TEC: variants seen among roughly 807,000 people sequenced by gnomAD.
The protein encoded by TEC is tec protein tyrosine kinase, also known as tyrosine-protein kinase Tec.
In TEC, 72 loss-of-function variants were observed where a neutral mutation model predicts 93.0. The ratio of observed to expected loss-of-function variants is 0.77; its 90% CI spans 0.64 to 0.94. TEC has a LOEUF of 0.94. Among genes scored for constraint, TEC ranks in the 40% least tolerant of loss-of-function variants. TEC has a pLI of 0.00. For synonymous variants in TEC, 249 were observed against 247.7 expected (o/e 1.01, Z -0.05); for missense variants, 630 against 757.9 (o/e 0.83, Z 1.98).
chr4:48,225,042 G>C (rs559150177), intron 2 of TEC, among the ~76,000 whole-genome samples: 1 of 152,068 alleles, frequency 6.6e-6, no homozygotes, highest in East Asian at 1.9e-4. Context: ...AATATCTCTA[G>C]GGCTATTTTA....
At chr4:48,237,158 C>T (rs533151949) in intron 1 of TEC, among the ~76,000 whole-genome samples, 2 of 151,990 alleles carry the variant, frequency 1.3e-5, no homozygotes, top group South Asian at 4.1e-4. Context: ...TGGCAAAACC[C>T]TATCTCTACT....
intron 3 of TEC, among the ~76,000 whole-genome samples, chr4:48,175,758 A>G (rs1194239842): frequency 6.6e-6 from 1 of 152,200 alleles, no homozygotes; most frequent in Admixed American, 6.5e-5. Context: ...CCGAAGAAGC[A>G]TAGTTTAATT....
At chr4:48,162,102 A>G (rs1720692207) in intron 8 of TEC, among the ~76,000 whole-genome samples, 2 of 152,224 alleles carry the variant, frequency 1.3e-5, no homozygotes, top group Admixed American at 6.5e-5. Context: ...ATTGTGTTAC[A>G]GGGTGGGCTT....
At chr4:48,211,438 C>A (rs533174730) in intron 2 of TEC, among the ~76,000 whole-genome samples, 42 of 152,228 alleles carry the variant, frequency 2.8e-4, no homozygotes, top group Middle Eastern at 3.4e-3. Flanking sequence ...TATATCTGAT[C>A]ATTAGCATCA....
chr4:48,140,827 A>T (rs1375650282), intron 15 of TEC, among the ~76,000 whole-genome samples: 1 of 152,116 alleles, frequency 6.6e-6, no homozygotes, highest in Non-Finnish European at 1.5e-5. Flanking sequence ...ATGTAACTTT[A>T]TCAGGTCTTC....
intron 2 of TEC, among the ~76,000 whole-genome samples, chr4:48,224,929 C>T (rs1318416587): frequency 2.6e-5 from 4 of 152,114 alleles, no homozygotes; most frequent in Non-Finnish European, 5.9e-5. Context: ...ATTAGTGGCA[C>T]TTGGTAGCCA....
intron 2 of TEC, among the ~76,000 whole-genome samples, chr4:48,180,391 T>G (rs1721536186): frequency 6.6e-6 from 1 of 152,026 alleles, no homozygotes; most frequent in African/African-American, 2.4e-5. Context: ...AAAGGAGGGT[T>G]GAGGGTCTCT....
chr4:48,213,280 A>G (rs948064816), intron 2 of TEC, among the ~76,000 whole-genome samples: 5 of 152,202 alleles, frequency 3.3e-5, no homozygotes, highest in African/African-American at 7.2e-5. Context: ...TTAACAAACA[A>G]TATTGCACAT....
intron 1 of TEC, among the ~76,000 whole-genome samples, chr4:48,257,698 T>C (rs1254987249): frequency 1.3e-5 from 2 of 152,254 alleles, no homozygotes; most frequent in Non-Finnish European, 2.9e-5. Context: ...ATATTTGGGA[T>C]GTTTATTACT....
At chr4:48,230,092 A>C (rs1268399028) in intron 1 of TEC, among the ~76,000 whole-genome samples, 1 of 149,186 alleles carries the variant, frequency 6.7e-6, no homozygotes, top group African/African-American at 2.5e-5. Flanking sequence ...AATAATAATA[A>C]TAATAATAAT....
intron 2 of TEC, among the ~76,000 whole-genome samples, chr4:48,219,059 T>C (rs1200947642): frequency 1.3e-5 from 2 of 152,196 alleles, no homozygotes; most frequent in African/African-American, 4.8e-5. Flanking sequence ...AAATTAGATA[T>C]AGAGAGGACC....
intron 1 of TEC, among the ~76,000 whole-genome samples, chr4:48,231,157 T>C (rs1027818649): frequency 1.3e-5 from 2 of 152,192 alleles, no homozygotes; most frequent in African/African-American, 4.8e-5. Context: ...CTGATAGAAT[T>C]GAGAGCCACT....
In TEC at chr4:48,139,016, A is replaced by G; in HGVS notation, c.1542T>C (p.Val514=). Residue 514 remains valine (V), a synonymous_variant, in exon 16 of 18, where the codon GTT becomes GTC. Coordinates refer to ENST00000381501, the MANE Select transcript of TEC (RefSeq NM_003215.3). ...AAGAACTTGTGTACTGATCATCCAGAACATACCTAGAGTAAGACACACCAT... is the reference window on the plus strand; with the variant it reads ...AAGAACTTGTGTACTGATCATCCAGGACATACCTAGAGTAAGACACACCAT... The part of the protein sequence containing the change: ...KVSDFGMARY[V]LDDQYTSSSG... The G allele has an allele frequency of 6.2e-7, 1 of 1,612,934 alleles. No individual in the cohort carries two copies. Among genetic ancestry groups the G allele is most frequent in the Non-Finnish European group, 8.5e-7 (1 of 1,178,874 alleles).
rs143497364 is a variant in TEC, at chr4:48,137,169, C to T, written c.*247G>A. 1 of 495,966 alleles carries T rather than the reference C, an allele frequency of 2.0e-6. No homozygotes were observed. Among genetic ancestry groups the T allele is most frequent in the Non-Finnish European group, 3.6e-6 (1 of 277,986 alleles). The allele number at this position is 495,966 out of a possible 1,614,324, so 30.7% of individuals were successfully genotyped here. ...CAGTGCCTGGTAAACAACTGTCACT[C>T]AAGTGCCTGAGGAATGAATAGAAAT... On this transcript the variant is annotated 3_prime_UTR_variant, in exon 18 of 18. Coordinates refer to ENST00000381501, the MANE Select transcript of TEC (RefSeq NM_003215.3).
At chr4:48,150,412 A>G (rs1234529966) in intron 10 of TEC, among the ~76,000 whole-genome samples, 1 of 152,096 alleles carries the variant, frequency 6.6e-6, no homozygotes, top group Non-Finnish European at 1.5e-5. Flanking sequence ...GAGAGCGTTC[A>G]TGACTAACTC....
intron 1 of TEC, among the ~76,000 whole-genome samples, chr4:48,233,001 A>C (rs1327327830): frequency 6.6e-6 from 1 of 152,200 alleles, no homozygotes; most frequent in Non-Finnish European, 1.5e-5. Flanking sequence ...GATCTAGGTG[A>C]CTAACCCTCC....
intron 1 of TEC, among the ~76,000 whole-genome samples, chr4:48,238,103 A>G (rs1723832489): frequency 6.6e-6 from 1 of 152,216 alleles, no homozygotes; most frequent in Non-Finnish European, 1.5e-5. Context: ...GAAATACAAC[A>G]AAGGAAAAAA....
chr4:48,227,392 T>C (rs1017669048), intron 2 of TEC, among the ~76,000 whole-genome samples: 5 of 152,066 alleles, frequency 3.3e-5, no homozygotes, highest in African/African-American at 1.2e-4. Flanking sequence ...CCTGTAATTC[T>C]AGCAGTTTGG....
intron 8 of TEC, among the ~76,000 whole-genome samples, chr4:48,162,693 G>A (rs982151006): frequency 6.6e-6 from 1 of 152,094 alleles, no homozygotes; most frequent in African/African-American, 2.4e-5. Flanking sequence ...TTTTGAACTT[G>A]TTAACCCTTT....
Sources: allele counts gnomAD v4.1 joint callset (sites outside exome capture counted in the v4.1 genomes callset), GRCh38; gene constraint gnomAD v4.1.1; transcripts MANE v1.5; gene names NCBI Gene and HGNC (gene_info 2026-07-23, HGNC 2026-07-21).